Variants in ZBTB40 observed in about 807,000 individuals in gnomAD.
The protein encoded by ZBTB40 is zinc finger and BTB domain containing 40.
Under a neutral mutation model 117.5 loss-of-function variants are expected in ZBTB40, and 60 were observed. The ratio of observed to expected loss-of-function variants is 0.51; its 90% CI spans 0.41 to 0.63. The LOEUF is 0.63. Ranked by LOEUF, ZBTB40 falls within the 30% of genes least tolerant of loss-of-function variation. The pLI, the probability that ZBTB40 is intolerant of heterozygous loss-of-function variation, is 0.00. For synonymous variants in ZBTB40, 525 were observed against 577.1 expected (o/e 0.91, Z 1.29); for missense variants, 1,287 against 1,498.5 (o/e 0.86, Z 2.33).
At chr1:22,486,772 G>A (rs544876344) in intron 1 of ZBTB40, among the ~76,000 whole-genome samples, 1 of 152,026 alleles carries the variant, frequency 6.6e-6, no homozygotes. Context: ...GTCTCCCTCT[G>A]TTGCCCAGGC....
upstream of ZBTB40, among the ~76,000 whole-genome samples, chr1:22,450,792 T>C (rs1640853237): frequency 6.6e-6 from 1 of 152,156 alleles, no homozygotes; most frequent in South Asian, 2.1e-4. Flanking sequence ...GGTGAGTCAG[T>C]CAGCCAGAGA....
At chr1:22,480,463 C>T (rs754719608) in intron 1 of ZBTB40, among the ~76,000 whole-genome samples, 5 of 152,156 alleles carry the variant, frequency 3.3e-5, no homozygotes, top group Non-Finnish European at 7.3e-5. Flanking sequence ...AGGTCTTCCT[C>T]ATGTGGTTTG....
At chr1:22,431,245 C>CATATACAATATTGTATATATTGAAT (rs1374915627) in intron 1 of ZBTB40, among the ~76,000 whole-genome samples, 1,197 of 90,738 alleles carry the variant, frequency 0.013, 235 homozygotes, top group African/African-American at 0.086. Flanking sequence ...ATATAGTATG[C>CATATACAATATTGTATATATTGAAT]ATATACAATA....
rs1178917378 is a variant in ZBTB40, at chr1:22,517,483, T to C, written c.2833+19T>C. ...TTTCACAGTATGTAGAGACTGTGGA[T>C]CTCAAGCCCTCAGTGCCAGCCTGGC... On this transcript the variant is annotated intron_variant, in intron 13 of 17. Coordinates refer to ENST00000375647, the MANE Select transcript of ZBTB40 (RefSeq NM_014870.4). 1.2e-6 allele frequency: 2 copies of C among 1,605,796 alleles called. No homozygotes were observed.
chr1:22,520,004 T>C, intron 13 of ZBTB40, 57 bp from the exon 14 acceptor site: 1 of 1,489,968 alleles, frequency 6.7e-7, no homozygotes, highest in African/African-American at 1.4e-5. Context: ...GATGGCTGCC[T>C]ATGGTGTTTT....
At chr1:22,472,696 C>T (rs1401738898) in intron 1 of ZBTB40, among the ~76,000 whole-genome samples, 1 of 152,192 alleles carries the variant, frequency 6.6e-6, no homozygotes, top group Admixed American at 6.5e-5. Context: ...GATATCTTCA[C>T]TGTGTTCAGT....
At chr1:22,511,464 T>C in intron 10 of ZBTB40, 117 bp downstream of exon 10, 1 of 1,426,308 alleles carries the variant, frequency 7.0e-7, no homozygotes. Context: ...GTATTCATTT[T>C]ATATGCTCTG....
At position 22,433,605 on chromosome 1, in the gene ZBTB40, A is replaced by G. The variant is rs1394607665; in HGVS notation, c.-70+4591A>G. 2.7e-5 allele frequency among the ~76,000 whole-genome samples: 4 copies of G among 148,050 alleles called. 1 individual carries two copies. Among genetic ancestry groups the G allele is most frequent in the Admixed American group, 1.3e-4 (2 of 14,922 alleles). On this transcript the variant is annotated intron_variant, in intron 1 of 8. Transcript: ENST00000650433. Reference sequence around the variant, plus strand: ...CATTATAGATATCAGGGACTTGAGCATCCATGGATTTTGATATACGGGGGT... The same window carrying G: ...CATTATAGATATCAGGGACTTGAGCGTCCATGGATTTTGATATACGGGGGT...
intron 9 of ZBTB40, 56 bp from the exon 10 acceptor site, chr1:22,511,123 A>G (rs1196850615): frequency 6.3e-7 from 1 of 1,587,580 alleles, no homozygotes; most frequent in Non-Finnish European, 8.6e-7. Context: ...GTTGAAAACC[A>G]TGGGGAAAAT....
In ZBTB40 at chr1:22,491,400, G is replaced by T. The variant is rs1467761560; in HGVS notation, c.698G>T (p.Gly233Val). The change falls in exon 3 of 18, where the codon GGA (glycine) becomes GTA (valine). Residue 233 changes from glycine to valine, a missense_variant and splice_region_variant. Coordinates refer to ENST00000375647, the MANE Select transcript of ZBTB40 (RefSeq NM_014870.4). ...SEAKKTSTEP[G>V]CERKHYQLNF... ...TTGTTTTATTTTGTTCTACATTTAG[G>T]ATGTGAAAGGAAACACTACCAGCTG... The T allele has an allele frequency of 1.2e-6, 2 of 1,613,738 alleles. No individual in the cohort carries two copies. The highest frequency in any genetic ancestry group is 2.2e-5 in the East Asian group (1 of 44,844).
intron 1 of ZBTB40, among the ~76,000 whole-genome samples, chr1:22,481,787 C>CAAAAAA (rs766474050): frequency 2.0e-4 from 13 of 64,304 alleles, no homozygotes; most frequent in African/African-American, 6.9e-4. Flanking sequence ...CTTGTTTTAC[C>CAAAAAA]AAAAAAAAAA....
At chr1:22,433,165 G>A (rs2124359871) in intron 1 of ZBTB40, among the ~76,000 whole-genome samples, 1 of 151,994 alleles carries the variant, frequency 6.6e-6, no homozygotes, top group South Asian at 2.1e-4. Flanking sequence ...CGGGTGTGGT[G>A]GCTCACACCT....
chr1:22,518,908 G>A (rs1015222147), intron 13 of ZBTB40, among the ~76,000 whole-genome samples: 2 of 152,154 alleles, frequency 1.3e-5, no homozygotes, highest in African/African-American at 4.8e-5. Flanking sequence ...AGGGGAAGAC[G>A]TTATTAACTT....
intron 1 of ZBTB40, among the ~76,000 whole-genome samples, chr1:22,430,172 A>G (rs1332606388): frequency 6.6e-6 from 1 of 152,182 alleles, no homozygotes; most frequent in African/African-American, 2.4e-5. Context: ...CTGACTCTAA[A>G]TCATCTGTAC....
At chr1:22,507,582 C>A (rs1287321603) in intron 6 of ZBTB40, among the ~76,000 whole-genome samples, 1 of 152,146 alleles carries the variant, frequency 6.6e-6, no homozygotes, top group Non-Finnish European at 1.5e-5. Flanking sequence ...CCAAAGGGCA[C>A]CTAAATAGAA....
intron 1 of ZBTB40, among the ~76,000 whole-genome samples, chr1:22,462,277 G>T (rs1641150813): frequency 6.6e-6 from 1 of 152,134 alleles, no homozygotes. Flanking sequence ...TGAGTTCACT[G>T]ACTGACTCTA....
intron 1 of ZBTB40, among the ~76,000 whole-genome samples, chr1:22,480,308 A>G (rs1012685503): frequency 3.3e-5 from 5 of 152,154 alleles, no homozygotes; most frequent in African/African-American, 1.2e-4. Flanking sequence ...TTATCCTTTG[A>G]CAGAAACCTT....
At chr1:22,456,161 T>A (rs1448932413) in intron 1 of ZBTB40, among the ~76,000 whole-genome samples, 1 of 152,160 alleles carries the variant, frequency 6.6e-6, no homozygotes, top group African/African-American at 2.4e-5. Context: ...GAGGAAAGAA[T>A]TAAATATTAA....
At chr1:22,449,757 A>T (rs1435024846), upstream of ZBTB40, among the ~76,000 whole-genome samples, 1 of 152,200 alleles carries the variant, frequency 6.6e-6, no homozygotes, top group Non-Finnish European at 1.5e-5. Flanking sequence ...CTTGGTGGCC[A>T]CTTTTCTTTT....
Sources: allele counts gnomAD v4.1 joint callset (sites outside exome capture counted in the v4.1 genomes callset), GRCh38; gene constraint gnomAD v4.1.1; transcripts MANE v1.5; gene names NCBI Gene and HGNC (gene_info 2026-07-23, HGNC 2026-07-21).